Variants in THAP4 observed in about 807,000 individuals in gnomAD.
THAP4 encodes peroxynitrite isomerase THAP4.
THAP4 carries 18 observed loss-of-function variants against 48.1 expected under a neutral mutation model. That is an observed-to-expected ratio of 0.37 (90% CI 0.26 to 0.56). THAP4 has a LOEUF of 0.56. THAP4 is among the 20% of genes least tolerant of loss of function. The probability of loss-of-function intolerance (pLI) is 0.78; values close to 1 mark genes in which losing one functional copy is unlikely to be tolerated. For synonymous variants in THAP4, 345 were observed against 324.9 expected, an observed-to-expected ratio of 1.06 and a Z score of -0.66; for missense variants, 656 against 774.9, an observed-to-expected ratio of 0.85 and a Z score of 1.82.
intron 1 of THAP4, among the ~76,000 whole-genome samples, chr2:241,636,220 C>T (rs560475617): frequency 6.6e-6 from 1 of 152,352 alleles, no homozygotes; most frequent in East Asian, 1.9e-4. Flanking sequence ...GTGCCATTCC[C>T]GTCTTTAAAA....
At chr2:241,629,711 C>A (rs1189759561) in intron 2 of THAP4, among the ~76,000 whole-genome samples, 1 of 151,358 alleles carries the variant, frequency 6.6e-6, no homozygotes, top group Non-Finnish European at 1.5e-5. Context: ...TTAAACGGGA[C>A]AAAAAGGAGT....
intron 5 of THAP4, among the ~76,000 whole-genome samples, chr2:241,590,015 G>C (rs1198249514): frequency 6.9e-6 from 1 of 145,268 alleles, no homozygotes; most frequent in African/African-American, 2.6e-5. Context: ...AGGACACTCA[G>C]AGCTGCTCGG....
chr2:241,598,108 GTATC>G (rs1415029914), intron 5 of THAP4, among the ~76,000 whole-genome samples: 3 of 152,144 alleles, frequency 2.0e-5, no homozygotes, highest in African/African-American at 4.8e-5. Flanking sequence ...AGAGAAAACA[GTATC>G]TATTACTTCT....
In THAP4 at chr2:241,633,861, C is replaced by A. The variant is rs779423822; in HGVS notation, c.296G>T (p.Arg99Leu). The change falls in exon 2 of 6, where the codon CGC becomes CTC. Residue 99 changes from arginine (R) to leucine (L), a missense_variant. Physicochemically the swap from Arg to Leu is moderately radical, Grantham distance 102. Around this residue, in one of 4 missense-constraint regions of THAP4, gnomAD observed 391 missense variants for 412.4 expected, o/e 0.95. Transcript: ENST00000407315. The surrounding 1 kb of genome is among the most constrained non-coding windows in gnomAD (Gnocchi z 7.5). ...CTTGCTGGCATCTTTTCTCCGGGTG[C>A]GGCCATGGCCTCCAGCCCCCCTCTT... ...EKKRGAGGHG[R>L]TRRKDASKAT... is the part of the protein sequence containing the mutation. 4 of 1,613,674 alleles carry A rather than the reference C, an allele frequency of 2.5e-6. No homozygotes were observed. The highest frequency in any genetic ancestry group is 1.7e-4 in the Middle Eastern group (1 of 6,058).
At chr2:241,602,123 C>T (rs889565542) in intron 4 of THAP4, 124 bp from the exon 5 acceptor site, 13 of 849,452 alleles carry the variant, frequency 1.5e-5, no homozygotes, top group East Asian at 2.6e-5. Context: ...GTGGAAGCAA[C>T]GATATTTCTC....
At chr2:241,625,544 C>T (rs1182852703) in intron 2 of THAP4, among the ~76,000 whole-genome samples, 5 of 150,342 alleles carry the variant, frequency 3.3e-5, no homozygotes, top group East Asian at 2.0e-4. Context: ...CGCCTGTAAT[C>T]CCAGCATTTT....
intron 2 of THAP4, among the ~76,000 whole-genome samples, chr2:241,622,003 G>A (rs1188228059): frequency 6.6e-6 from 1 of 150,996 alleles, no homozygotes; most frequent in African/African-American, 2.4e-5. Context: ...ACTATTCTTC[G>A]GGTGCAAAGG....
At chr2:241,622,345 C>A (rs541296319) in intron 2 of THAP4, among the ~76,000 whole-genome samples, 6 of 151,976 alleles carry the variant, frequency 3.9e-5, no homozygotes, top group African/African-American at 1.5e-4. Context: ...CCCAGCCTGG[C>A]GACAGAGCAA....
intron 2 of THAP4, among the ~76,000 whole-genome samples, chr2:241,621,934 A>G (rs2125092286): frequency 6.6e-6 from 1 of 151,842 alleles, no homozygotes; most frequent in Middle Eastern, 3.4e-3. Flanking sequence ...GTCAGAAACC[A>G]CGCAAGCAAA....
At chr2:241,593,305 A>G (rs1225468557) in intron 5 of THAP4, among the ~76,000 whole-genome samples, 1 of 152,194 alleles carries the variant, frequency 6.6e-6, no homozygotes, top group Non-Finnish European at 1.5e-5. Context: ...ATGTAGATGA[A>G]AATCTTGCTC....
Position 241,601,137 on chromosome 2 carries a change from G to A in THAP4, c.1614+759C>T, listed in dbSNP as rs2067108070. Among the ~76,000 whole-genome samples, 2 of 152,242 alleles carry A rather than the reference G, an allele frequency of 1.3e-5. No homozygotes were observed. Among genetic ancestry groups the A allele is most frequent in the South Asian group, 4.1e-4 (2 of 4,824 alleles). On this transcript the variant is annotated intron_variant, in intron 5 of 5. Coordinates refer to ENST00000407315, the MANE Select transcript of THAP4 (RefSeq NM_015963.6). The surrounding 1 kb of genome is among the most constrained non-coding windows in gnomAD (Gnocchi z 4.0). ...CTACTAATAATACAAAATTAGCCAG[G>A]CGTGGTGGCGCATGCCTGTAATCCC...
chr2:241,620,141 G>A (rs1328274065), intron 2 of THAP4, among the ~76,000 whole-genome samples: 2 of 105,240 alleles, frequency 1.9e-5, no homozygotes, highest in Non-Finnish European at 1.9e-5. Context: ...TGAGTGAGGG[G>A]TGAGGGGTGA....
intron 2 of THAP4, among the ~76,000 whole-genome samples, chr2:241,628,652 T>C (rs1271288362): frequency 3.4e-5 from 5 of 148,678 alleles, no homozygotes. Context: ...CCCTCAAAAC[T>C]GTACTGGAAT....
At position 241,637,005 on chromosome 2, in the gene THAP4, A is replaced by G; in HGVS notation, c.13T>C (p.Cys5Arg). Reference sequence around the variant, plus strand: ...CGGTTGGAGCAGTTCACGGCCGCACAGCAGATCACCATCGCGGGCCTTGGC... The same window carrying G: ...CGGTTGGAGCAGTTCACGGCCGCACGGCAGATCACCATCGCGGGCCTTGGC... MVIC[C>R]AAVNCSNRQG... The change falls in exon 1 of 6, where the codon TGT becomes CGT. Residue 5 changes from cysteine to arginine, a missense_variant. This residue lies in a region of THAP4 where 59 missense variants were observed against 45.8 expected (regional missense o/e 1.29). Transcript: ENST00000407315. 1 of 1,298,114 alleles carries G rather than the reference A, an allele frequency of 7.7e-7. No individual in the cohort carries two copies. The highest frequency in any genetic ancestry group is 2.3e-4 in the Middle Eastern group (1 of 4,310). 80.4% of individuals were successfully genotyped at this position (1,298,114 alleles called of 1,614,324 possible).
At chr2:241,597,483 A>G (rs146799223) in intron 5 of THAP4, among the ~76,000 whole-genome samples, 2,413 of 152,258 alleles carry the variant, frequency 0.016, 27 homozygotes, top group Non-Finnish European at 0.025. Flanking sequence ...TGAACCTAAC[A>G]AGGAAGACAC....
intron 5 of THAP4, among the ~76,000 whole-genome samples, chr2:241,597,855 G>A (rs1036278938): frequency 2.0e-5 from 3 of 152,044 alleles, no homozygotes; most frequent in African/African-American, 7.3e-5. Context: ...TCCCCTAAGC[G>A]CCATGCCCAG....
rs1173873960 is a variant in THAP4 at position 241,616,846 on chromosome 2, G to A, written c.1241-10373C>T. 6.6e-6 allele frequency among the ~76,000 whole-genome samples: 1 copy of A among 152,092 alleles called. No individual in the cohort carries two copies. The highest frequency in any genetic ancestry group is 1.5e-5 in the Non-Finnish European group (1 of 68,026). ...CTCCTGGCTTGCTGTTATTTGCTCT[G>A]AATCTTAATGGAGTTTAATTTGGAC... On this transcript the variant is annotated intron_variant, in intron 2 of 5. Transcript: ENST00000407315. This position sits in a 1 kb window ranked among gnomAD's most constrained non-coding sequence, Gnocchi z 4.6.
chr2:241,595,872 C>T (rs141232178), intron 5 of THAP4, among the ~76,000 whole-genome samples: 38 of 152,298 alleles, frequency 2.5e-4, no homozygotes, highest in African/African-American at 7.0e-4. Context: ...AGACCAGCCC[C>T]GGAACGACCC....
At chr2:241,618,322 G>A (rs980284353) in intron 2 of THAP4, among the ~76,000 whole-genome samples, 6 of 152,198 alleles carry the variant, frequency 3.9e-5, no homozygotes, top group Non-Finnish European at 8.8e-5. Context: ...AGGCCATAAA[G>A]TGGATACAAA....
Sources: allele counts gnomAD v4.1 joint callset (sites outside exome capture counted in the v4.1 genomes callset), GRCh38; gene constraint gnomAD v4.1.1; regional missense constraint gnomAD v4.1.1; non-coding constraint Gnocchi (gnomAD v3.1); transcripts MANE v1.5; gene names NCBI Gene and HGNC (gene_info 2026-07-23, HGNC 2026-07-21).